The following CDKL3 variants were observed in gnomAD, a reference collection of about 807,000 sequenced individuals.
CDKL3 encodes the protein cyclin dependent kinase like 3.
A neutral mutation model predicts 69.3 loss-of-function variants in CDKL3; 65 were observed. The ratio of observed to expected loss-of-function variants is 0.94; its 90% CI spans 0.77 to 1.15. The LOEUF is 1.15. CDKL3 is among the 50% of genes most tolerant of loss of function. The probability of loss-of-function intolerance (pLI) is 0.00; values close to 1 mark genes in which losing one functional copy is unlikely to be tolerated. For synonymous variants in CDKL3, 202 were observed against 221.6 expected (o/e 0.91, Z 0.79); for missense variants, 652 against 689.2 (o/e 0.95, Z 0.61).
chr5:134,335,621 C>G (rs1012341863), intron 4 of CDKL3, among the ~76,000 whole-genome samples: 2 of 152,088 alleles, frequency 1.3e-5, no homozygotes, highest in Non-Finnish European at 2.9e-5. Context: ...GTTGAAAATT[C>G]TTTTCTATAA....
intron 3 of CDKL3, among the ~76,000 whole-genome samples, chr5:134,351,955 T>C (rs1313877476): frequency 6.6e-6 from 1 of 152,140 alleles, no homozygotes; most frequent in Non-Finnish European, 1.5e-5. Context: ...TCATTGTTAT[T>C]AACTAGTTAC....
intron 10 of CDKL3, among the ~76,000 whole-genome samples, chr5:134,305,555 G>T (rs1367807740): frequency 6.6e-6 from 1 of 152,082 alleles, no homozygotes; most frequent in Middle Eastern, 3.2e-3. Flanking sequence ...AAACCCAAAG[G>T]AAAAAATGTA....
At chr5:134,371,516 A>C (rs1305273062), upstream of CDKL3, 54 of 1,424,288 alleles carry the variant, frequency 3.8e-5, no homozygotes, top group Non-Finnish European at 4.6e-5. Context: ...ATCCACAGTG[A>C]TTCGGCCGCC....
intron 10 of CDKL3, among the ~76,000 whole-genome samples, chr5:134,305,564 T>C (rs893604940): frequency 3.9e-5 from 6 of 152,208 alleles, no homozygotes; most frequent in Admixed American, 3.3e-4. Context: ...GGAAAAAATG[T>C]ATTGCACATC....
At chr5:134,302,545 T>C in intron 12 of CDKL3, 45 bp downstream of exon 12, 1 of 996,992 alleles carries the variant, frequency 1.0e-6, no homozygotes, top group Non-Finnish European at 1.5e-6. Context: ...AGTCAAGTCC[T>C]CTAAACAACA....
intron 8 of CDKL3, among the ~76,000 whole-genome samples, chr5:134,290,378 A>G (rs1448503754): frequency 1.3e-5 from 2 of 149,078 alleles, no homozygotes; most frequent in East Asian, 3.9e-4. Context: ...AAAAAAAAAA[A>G]GGGTTTGTCT....
chr5:134,319,579 T>A, intron 5 of CDKL3, 82 bp from the exon 6 acceptor site: 3 of 1,176,556 alleles, frequency 2.5e-6, no homozygotes, highest in Non-Finnish European at 3.5e-6. Context: ...GTCATCTATG[T>A]TAGATTACTA....
In CDKL3 at chr5:134,298,690, C is replaced by T; in HGVS notation, c.1740G>A (p.Glu580=). 2 of 1,612,998 alleles carry T rather than the reference C, an allele frequency of 1.2e-6. No homozygotes were observed. The highest frequency in any genetic ancestry group is 1.3e-5 in the African/African-American group (1 of 75,014). ...EKQEGGDGHC[E]GKNLKRNRFF... is the part of the protein sequence containing the mutation. ...ACCTGTTTCTCTTCAAATTCTTCCCCTCGCAATGGCCATCTCCACCCTAAA... is the reference window on the plus strand; with the variant it reads ...ACCTGTTTCTCTTCAAATTCTTCCCTTCGCAATGGCCATCTCCACCCTAAA... The change falls in exon 13 of 13, where the codon GAG becomes GAA. Residue 580 remains glutamate, a synonymous_variant. Coordinates refer to ENST00000265334, the MANE Select transcript of CDKL3 (RefSeq NM_001113575.2).
rs550156726 is a variant in CDKL3, at chr5:134,324,079, T to C, written c.540-2176A>G. ...CCAAAGAAAATATACAGATGGCAAA[T>C]GGGCATATTAACAGATGCCCAGTAT... On this transcript the variant is annotated intron_variant, in intron 4 of 12. Coordinates refer to ENST00000265334, the MANE Select transcript of CDKL3 (RefSeq NM_001113575.2). 5.9e-5 allele frequency among the ~76,000 whole-genome samples: 9 copies of C among 152,214 alleles called. No homozygotes were observed. In the South Asian group the frequency reaches 1.0e-3, roughly 18 times the overall value.
rs1752952325 is a variant in CDKL3, at chr5:134,350,345, C to T, written c.443G>A (p.Arg148Gln). 6.3e-6 allele frequency: 10 copies of T among 1,589,684 alleles called. No individual in the cohort carries two copies. In the East Asian group the frequency reaches 9.0e-5, roughly 14 times the overall value. Residue 148 changes from arginine (R) to glutamine (Q), a missense_variant, in exon 4 of 13, where the codon CGA (arginine) becomes CAA (glutamine). Coordinates refer to ENST00000265334, the MANE Select transcript of CDKL3 (RefSeq NM_001113575.2). ...ITKLCDFGFARTLAAPGDIYT... is the reference protein window; with the variant it reads ...ITKLCDFGFAQTLAAPGDIYT... ...AATGTCCCCAGGAGCTGCTAGTGTT[C>T]GTGCAAAACCAAAATCACAGAGCTT... is the stretch of plus-strand genomic sequence containing the variant.
downstream of CDKL3, among the ~76,000 whole-genome samples, chr5:134,296,773 C>T (rs1765369645): frequency 6.8e-6 from 1 of 147,502 alleles, no homozygotes; most frequent in Non-Finnish European, 1.5e-5. Context: ...CAGAACAAGA[C>T]CCTGTCTCTA....
rs975903882 is a variant in CDKL3, at chr5:134,367,087, G to A, written c.-132C>T. ...TCTGCGTAGTTCCAGTGGAGCCACC[G>A]AACACTGATACTACTTTGTTGCTCA... On this transcript the variant is annotated 5_prime_UTR_variant, in exon 1 of 13. Coordinates refer to ENST00000265334, the MANE Select transcript of CDKL3 (RefSeq NM_001113575.2). 61 of 986,500 alleles carry A rather than the reference G, an allele frequency of 6.2e-5. No homozygotes were observed. The highest frequency in any genetic ancestry group is 6.7e-5 in the Non-Finnish European group (56 of 830,766). 61.1% of individuals were successfully genotyped at this position (986,500 alleles called of 1,614,324 possible).
chr5:134,337,319 G>A (rs140367286), intron 4 of CDKL3, among the ~76,000 whole-genome samples: 2 of 152,252 alleles, frequency 1.3e-5, no homozygotes, highest in East Asian at 1.9e-4. Context: ...TGGGTGAGGC[G>A]ACGCCCCTCC....
intron 12 of CDKL3, among the ~76,000 whole-genome samples, chr5:134,301,878 C>A (rs1405505752): frequency 1.3e-5 from 2 of 150,634 alleles, no homozygotes; most frequent in African/African-American, 4.9e-5. Context: ...CAGAGAGACA[C>A]TCCGTCTCAA....
intron 2 of CDKL3, among the ~76,000 whole-genome samples, chr5:134,361,859 G>A (rs73289871): frequency 0.13 from 20,451 of 152,168 alleles, 1,649 homozygotes; most frequent in African/African-American, 0.21. Context: ...AGCCGAGATT[G>A]TGCCATCGCA....
intron 12 of CDKL3, chr5:134,299,733 T>C (rs1192068423): frequency 6.5e-7 from 1 of 1,534,014 alleles, no homozygotes; most frequent in Admixed American, 2.0e-5. Flanking sequence ...TCCTTTCAGT[T>C]TGTGCATTTC....
chr5:134,316,692 A>C (rs919661997), intron 6 of CDKL3, among the ~76,000 whole-genome samples: 1 of 152,222 alleles, frequency 6.6e-6, no homozygotes, highest in Non-Finnish European at 1.5e-5. Flanking sequence ...ACAGTTAAAT[A>C]AACTAATTGT....
At chr5:134,371,505 G>A, upstream of CDKL3, 1 of 1,504,766 alleles carries the variant, frequency 6.6e-7, no homozygotes, top group East Asian at 2.5e-5. Context: ...CGGCGGCGGC[G>A]ATCCACAGTG....
At chr5:134,351,894 T>C (rs1753399126) in intron 3 of CDKL3, among the ~76,000 whole-genome samples, 1 of 152,212 alleles carries the variant, frequency 6.6e-6, no homozygotes, top group South Asian at 2.1e-4. Flanking sequence ...ACATACTTAT[T>C]TTGTGGTGAG....
Sources: gnomAD v4.1 joint callset for allele counts (sites outside exome capture counted in the v4.1 genomes callset) on GRCh38, gnomAD v4.1.1 for gene constraint, MANE v1.5 for transcripts, NCBI Gene and HGNC (gene_info 2026-07-23, HGNC 2026-07-21) for gene names.